The following KIF26B variants were observed in gnomAD, a reference collection of about 807,000 sequenced individuals.
KIF26B encodes the protein kinesin family member 26B, also known as kinesin-like protein KIF26B.
In KIF26B, 63 loss-of-function variants were observed where a neutral mutation model predicts 151.2. The observed-to-expected ratio is 0.42, with a 90% confidence interval of 0.34 to 0.51. The LOEUF (loss-of-function observed/expected upper bound fraction) is 0.51, where lower values mean the gene tolerates loss of function less well. Ranked by LOEUF, KIF26B falls within the 20% of genes least tolerant of loss-of-function variation. The pLI is 0.07. For missense variants in KIF26B, 2,813 were observed against 2,913.6 expected (o/e 0.97, Z 0.79); for synonymous variants, 1,357 against 1,262.1 (o/e 1.08, Z -1.59).
intron 5 of KIF26B, among the ~76,000 whole-genome samples, chr1:245,544,345 C>G (rs997916506): frequency 3.3e-5 from 5 of 152,248 alleles, no homozygotes; most frequent in East Asian, 1.9e-4. Context: ...TTAAACCTGA[C>G]CTGGAGTCTC....
chr1:245,329,107 G>A (rs1672051684), intron 2 of KIF26B, among the ~76,000 whole-genome samples: 1 of 152,206 alleles, frequency 6.6e-6, no homozygotes, highest in Admixed American at 6.5e-5. Flanking sequence ...TCGTATGTTT[G>A]GAAAGCTTTA....
At chr1:245,204,201 A>G (rs1391079559) in intron 2 of KIF26B, among the ~76,000 whole-genome samples, 1 of 152,198 alleles carries the variant, frequency 6.6e-6, no homozygotes, top group Non-Finnish European at 1.5e-5. Flanking sequence ...TGGAAGGTAC[A>G]TCAGGCCTAG....
At chr1:245,556,744 ATCAAGAATGG>A (rs1239156236) in intron 5 of KIF26B, among the ~76,000 whole-genome samples, 1 of 152,142 alleles carries the variant, frequency 6.6e-6, no homozygotes, top group African/African-American at 2.4e-5. Context: ...TCTCTGTATC[ATCAAGAATGG>A]TCTCAAACTC....
rs145740134 is a variant in KIF26B, at chr1:245,582,175, G to C, written c.1351-20402G>C. On this transcript the variant is annotated intron_variant, in intron 5 of 14. Coordinates refer to ENST00000407071, the MANE Select transcript of KIF26B (RefSeq NM_018012.4). ...AACTTCATGTCTGTGTTTGCTGAAT[G>C]ATGAGCAGGTCCTCTTCAGCGAGAG... Among the ~76,000 whole-genome samples the C allele has an allele frequency of 6.2e-3, 943 of 151,576 alleles. 9 individuals are homozygous for C. Among genetic ancestry groups the C allele is most frequent in the African/African-American group, 0.022 (905 of 41,288 alleles).
intron 8 of KIF26B, 30 bp downstream of exon 8, chr1:245,609,558 A>C (rs1352526602): frequency 6.1e-6 from 9 of 1,483,482 alleles, no homozygotes; most frequent in Non-Finnish European, 8.1e-6. Context: ...GGCTCGCCCC[A>C]AGGTGGCTCC....
At chr1:245,278,674 C>T (rs779191416) in intron 2 of KIF26B, among the ~76,000 whole-genome samples, 9 of 152,172 alleles carry the variant, frequency 5.9e-5, no homozygotes, top group Admixed American at 2.0e-4. Flanking sequence ...TACCCTCACA[C>T]GTTTACACTC....
chr1:245,484,682 G>A (rs1660236281), intron 4 of KIF26B, among the ~76,000 whole-genome samples: 1 of 112,372 alleles, frequency 8.9e-6, no homozygotes. Context: ...ATTTGGAGCT[G>A]CTTCTCCTCC....
intron 5 of KIF26B, among the ~76,000 whole-genome samples, chr1:245,583,624 C>A (rs765504160): frequency 1.3e-5 from 2 of 152,154 alleles, no homozygotes; most frequent in Non-Finnish European, 2.9e-5. Flanking sequence ...CCAATGCTGC[C>A]GGAGGACCTG....
intron 2 of KIF26B, among the ~76,000 whole-genome samples, chr1:245,287,498 CTT>C (rs1334935128): frequency 3.7e-5 from 4 of 109,342 alleles, no homozygotes; most frequent in African/African-American, 7.2e-5. Flanking sequence ...CTCTCTCTCT[CTT>C]TTTTTTTTTT....
intron 4 of KIF26B, among the ~76,000 whole-genome samples, chr1:245,442,008 G>A (rs1026791598): frequency 1.3e-5 from 2 of 152,240 alleles, no homozygotes; most frequent in Non-Finnish European, 1.5e-5. Flanking sequence ...ACAGGGCATC[G>A]TATCAAAATG....
intron 5 of KIF26B, among the ~76,000 whole-genome samples, chr1:245,562,306 C>T (rs1572129120): frequency 6.6e-6 from 1 of 152,140 alleles, no homozygotes; most frequent in East Asian, 1.9e-4. Context: ...TTCAAAAAAA[C>T]ATAACCTAGT....
chr1:245,575,074 C>G (rs2043104880), intron 5 of KIF26B, among the ~76,000 whole-genome samples: 1 of 151,082 alleles, frequency 6.6e-6, no homozygotes, highest in Non-Finnish European at 1.5e-5. Context: ...ACCATGTTAG[C>G]CAAGATGGTC....
chr1:245,605,660 A>G (rs61754911), intron 6 of KIF26B, among the ~76,000 whole-genome samples: 3,528 of 152,038 alleles, frequency 0.023, 142 homozygotes, highest in African/African-American at 0.081. Context: ...GGCCCTTCCC[A>G]TGGGGGCTGT....
intron 2 of KIF26B, among the ~76,000 whole-genome samples, chr1:245,335,746 C>G (rs1356839193): frequency 1.5e-5 from 2 of 136,182 alleles, no homozygotes; most frequent in Non-Finnish European, 3.1e-5. Flanking sequence ...AAAGGAGGGT[C>G]CCACGCAGGG....
chr1:245,662,588 CAATGATATATACACAGACACCCAA>C lies in KIF26B; in HGVS notation c.2258+16309_2258+16332del, dbSNP rs1456375938. On this transcript the variant is annotated intron_variant, in intron 10 of 14. Transcript: ENST00000407071. ...CACACACCCTATATATATATACACCCAATGATATATACACAGACACCCAATATATATACACACCCAGTGATATAT... is the reference window on the plus strand; with the variant it reads ...CACACACCCTATATATATATACACCCTATATATACACACCCAGTGATATAT... Among the ~76,000 whole-genome samples the C allele has an allele frequency of 1.9e-3, 238 of 127,622 alleles. 8 individuals carry two copies. The highest frequency in any genetic ancestry group is 0.011 in the South Asian group (42 of 3,746). The allele number at this position is 127,622 out of a possible 152,430, so 83.7% of individuals were successfully genotyped here. A position where few individuals can be genotyped will look rare whatever the true frequency, so the allele number is the denominator to read the frequency against.
intron 12 of KIF26B, among the ~76,000 whole-genome samples, chr1:245,690,394 A>C: frequency 6.6e-6 from 1 of 152,200 alleles, no homozygotes; most frequent in East Asian, 1.9e-4. Flanking sequence ...GGGGTGAGAC[A>C]CAGATGTAGG....
intron 2 of KIF26B, among the ~76,000 whole-genome samples, chr1:245,291,697 A>G (rs996475245): frequency 1.3e-5 from 2 of 152,214 alleles, no homozygotes; most frequent in African/African-American, 4.8e-5. Flanking sequence ...TGGATGTTTG[A>G]CTAGAAACAG....
At chr1:245,240,327 G>A (rs1406954068) in intron 2 of KIF26B, among the ~76,000 whole-genome samples, 2 of 152,114 alleles carry the variant, frequency 1.3e-5, no homozygotes, top group East Asian at 3.8e-4. Context: ...CATAGTTGCT[G>A]TAATTTGTAG....
At chr1:245,189,743 G>A (rs1669064242) in intron 2 of KIF26B, among the ~76,000 whole-genome samples, 1 of 152,218 alleles carries the variant, frequency 6.6e-6, no homozygotes, top group Non-Finnish European at 1.5e-5. Context: ...AAAGTTGAAG[G>A]CAGTCATATT....
Sources: gnomAD v4.1 joint callset for allele counts (sites outside exome capture counted in the v4.1 genomes callset) on GRCh38, gnomAD v4.1.1 for gene constraint, MANE v1.5 for transcripts, NCBI Gene and HGNC (gene_info 2026-07-23, HGNC 2026-07-21) for gene names.